Variants in KIF1B observed in about 807,000 individuals in gnomAD.
KIF1B encodes kinesin family member 1B.
A neutral mutation model predicts 241.9 loss-of-function variants in KIF1B; 76 were observed. The ratio of observed to expected loss-of-function variants is 0.31; its 90% CI spans 0.26 to 0.38. The LOEUF is 0.38. KIF1B is among the 10% of genes least tolerant of loss of function. KIF1B has a pLI of 1.00. For synonymous variants in KIF1B, 750 were observed against 796.7 expected, an observed-to-expected ratio of 0.94 and a Z score of 0.99; for missense variants, 1,622 against 2,271.4, an observed-to-expected ratio of 0.71 and a Z score of 5.81.
chr1:10,220,300 G>A (rs536155315), intron 1 of KIF1B, among the ~76,000 whole-genome samples: 1 of 151,924 alleles, frequency 6.6e-6, no homozygotes, highest in Non-Finnish European at 1.5e-5. Context: ...GAGCCTGGGA[G>A]ATTGAGGCTG....
intron 38 of KIF1B, among the ~76,000 whole-genome samples, chr1:10,355,550 G>A (rs909859124): frequency 3.9e-5 from 6 of 152,118 alleles, no homozygotes; most frequent in Non-Finnish European, 5.9e-5. Context: ...CCTAAGAAGC[G>A]TATAGCTTCT....
At chr1:10,248,533 C>G (rs1257154057) in intron 2 of KIF1B, among the ~76,000 whole-genome samples, 1 of 152,118 alleles carries the variant, frequency 6.6e-6, no homozygotes, top group Non-Finnish European at 1.5e-5. Flanking sequence ...ATGGACCCAT[C>G]TCTCTTGCTG....
intron 28 of KIF1B, among the ~76,000 whole-genome samples, chr1:10,335,773 T>C (rs1466375288): frequency 1.3e-5 from 2 of 151,852 alleles, no homozygotes; most frequent in Non-Finnish European, 2.9e-5. Flanking sequence ...GAGGCAGGAT[T>C]GCTTGAGCCC....
At chr1:10,318,821 T>C (rs1651406583) in intron 22 of KIF1B, among the ~76,000 whole-genome samples, 1 of 152,198 alleles carries the variant, frequency 6.6e-6, no homozygotes, top group African/African-American at 2.4e-5. Flanking sequence ...TAACCCTACT[T>C]ATTTTATTTT....
intron 2 of KIF1B, among the ~76,000 whole-genome samples, chr1:10,253,437 T>G (rs562920762): frequency 4.6e-5 from 7 of 152,194 alleles, no homozygotes; most frequent in Admixed American, 4.6e-4. Flanking sequence ...GCCCAGGAGT[T>G]TGAGACCAGC....
At chr1:10,240,206 C>A (rs1374306427) in intron 2 of KIF1B, among the ~76,000 whole-genome samples, 7 of 151,388 alleles carry the variant, frequency 4.6e-5, no homozygotes, top group African/African-American at 1.5e-4. Flanking sequence ...CCTGCCAAAC[C>A]TTATTTATTT....
chr1:10,364,253 G>A (rs1310111431), intron 41 of KIF1B, among the ~76,000 whole-genome samples: 2 of 143,344 alleles, frequency 1.4e-5, no homozygotes, highest in Non-Finnish European at 3.0e-5. Flanking sequence ...CACCCAGGCT[G>A]GAGTGTGGTG....
intron 15 of KIF1B, among the ~76,000 whole-genome samples, chr1:10,289,439 A>AT (rs1437852313): frequency 6.6e-6 from 1 of 152,140 alleles, no homozygotes; most frequent in Non-Finnish European, 1.5e-5. Flanking sequence ...CTCTGCTCAC[A>AT]TATCACTGAG....
chr1:10,290,202 A>C, intron 15 of KIF1B, among the ~76,000 whole-genome samples: 1 of 152,104 alleles, frequency 6.6e-6, no homozygotes. Flanking sequence ...CATGTGCAGA[A>C]TGTGTAGGCT....
intron 5 of KIF1B, among the ~76,000 whole-genome samples, chr1:10,263,733 G>A (rs1377686218): frequency 6.6e-6 from 1 of 152,150 alleles, no homozygotes; most frequent in Non-Finnish European, 1.5e-5. Flanking sequence ...TAGAATTTTT[G>A]AGCTTACAGG....
intron 45 of KIF1B, among the ~76,000 whole-genome samples, chr1:10,372,031 A>G (rs547218286): frequency 3.3e-5 from 5 of 152,262 alleles, no homozygotes; most frequent in East Asian, 3.9e-4. Context: ...ATCTCCATCA[A>G]TTATGCTCAC....
chr1:10,314,239 G>A (rs957753962), intron 22 of KIF1B, among the ~76,000 whole-genome samples: 2 of 151,522 alleles, frequency 1.3e-5, no homozygotes, highest in East Asian at 3.9e-4. Flanking sequence ...AAAATGAACA[G>A]AACGATAGTA....
intron 48 of KIF1B, 91 bp from the exon 49 acceptor site, chr1:10,376,454 C>T: frequency 7.7e-7 from 1 of 1,305,548 alleles, no homozygotes; most frequent in Non-Finnish European, 1.1e-6. Flanking sequence ...TAGGAAGATG[C>T]TCCAGGAGGG....
chr1:10,300,910 G>T (rs545525160), intron 22 of KIF1B, among the ~76,000 whole-genome samples: 1 of 152,288 alleles, frequency 6.6e-6, no homozygotes, highest in East Asian at 1.9e-4. Context: ...TTATAAATGG[G>T]CTTAGTACTC....
intron 3 of KIF1B, among the ~76,000 whole-genome samples, 199 bp from the exon 4 acceptor site, chr1:10,258,294 A>C (rs1647917524): frequency 6.6e-6 from 1 of 152,040 alleles, no homozygotes. Context: ...CTAACAGTGC[A>C]TGTGTTTGTG....
intron 44 of KIF1B, among the ~76,000 whole-genome samples, chr1:10,370,028 C>T (rs1014268160): frequency 4.7e-5 from 7 of 149,700 alleles, no homozygotes; most frequent in East Asian, 2.0e-4. Flanking sequence ...CCGAGGTGGG[C>T]GGATCACCTG....
At chr1:10,227,038 T>C (rs962442643) in intron 1 of KIF1B, among the ~76,000 whole-genome samples, 48 of 108,120 alleles carry the variant, frequency 4.4e-4, no homozygotes, top group African/African-American at 1.3e-3. Context: ...CTCTCTTTTT[T>C]TTTTTTTTTT....
At chr1:10,239,580 G>A (rs1007878475) in intron 2 of KIF1B, among the ~76,000 whole-genome samples, 4 of 151,700 alleles carry the variant, frequency 2.6e-5, no homozygotes, top group African/African-American at 7.3e-5. Flanking sequence ...ATATTGAACC[G>A]TTTTCATTTT....
At chr1:10,336,844 T>C in intron 29 of KIF1B, 102 bp downstream of exon 29, 2 of 1,204,454 alleles carry the variant, frequency 1.7e-6, no homozygotes, top group Non-Finnish European at 2.5e-6. Flanking sequence ...AGGGTGCTGG[T>C]TGCCACAGAG....
Sources: allele counts gnomAD v4.1 joint callset (sites outside exome capture counted in the v4.1 genomes callset), GRCh38; gene constraint gnomAD v4.1.1; transcripts MANE v1.5; gene names NCBI Gene and HGNC (gene_info 2026-07-23, HGNC 2026-07-21).